MYH8: variants seen among roughly 807,000 people sequenced by gnomAD.
The protein encoded by MYH8 is myosin-8.
Under a neutral mutation model 233.2 loss-of-function variants are expected in MYH8, and 168 were observed. The observed-to-expected ratio is 0.72, with a 90% CI of 0.64 to 0.82. The LOEUF is 0.82. MYH8 is among the 40% of genes least tolerant of loss of function. MYH8 has a pLI of 0.00. For missense variants in MYH8, 1,995 were observed against 2,327.8 expected (o/e 0.86, Z 2.94); for synonymous variants, 785 against 850.6 (o/e 0.92, Z 1.34).
chr17:10,403,419 C>T lies in MYH8; in HGVS notation c.2688+911G>A, dbSNP rs1236275958. Among the ~76,000 whole-genome samples, 6 of 152,108 alleles carry T rather than the reference C, an allele frequency of 3.9e-5. No homozygotes were observed. The East Asian group carries it at 7.7e-4, about 20-fold the overall frequency. On this transcript the variant is annotated intron_variant, in intron 22 of 39. Coordinates refer to ENST00000403437, the MANE Select transcript of MYH8 (RefSeq NM_002472.3). ...TTGTTTTGTTCTTGAGTTTAAAAAA[C>T]GTTTAAATGGAATATAATGGGAACT...
Position 10,414,179 on chromosome 17 carries a change from GT to G in MYH8, c.1008+12del. On this transcript the variant is annotated intron_variant, in intron 11 of 39. Transcript: ENST00000403437. Reference sequence around the variant, plus strand: ...TACATAATGGATTTTTAAAATTAGTGTTTTTGACTTACATCAGTGGCCATCA... The same window carrying G: ...TACATAATGGATTTTTAAAATTAGTGTTTTGACTTACATCAGTGGCCATCA... 6.2e-7 allele frequency: 1 copy of G among 1,612,686 alleles called. No individual in the cohort carries two copies. The highest frequency in any genetic ancestry group is 8.5e-7 in the Non-Finnish European group (1 of 1,178,696).
chr17:10,409,025 T>G, intron 17 of MYH8, 72 bp downstream of exon 17: 3 of 1,444,250 alleles, frequency 2.1e-6, no homozygotes, highest in Non-Finnish European at 2.9e-6. Flanking sequence ...TGCCTCATAA[T>G]TTTTTCTAAA....
intron 37 of MYH8, 79 bp from the exon 38 acceptor site, chr17:10,392,725 G>T (rs563410152): frequency 6.2e-7 from 1 of 1,612,988 alleles, no homozygotes; most frequent in South Asian, 1.1e-5. Flanking sequence ...GCATGGGGTG[G>T]GTGTTCCCAG....
rs9899024 is a variant in MYH8 at position 10,401,255 on chromosome 17, G to T, written c.3108+20C>A. 9.7e-4 allele frequency: 1,571 copies of T among 1,614,000 alleles called. 16 individuals carry two copies. In the African/African-American group the frequency reaches 0.019, roughly 19 times the overall value. On this transcript the variant is annotated intron_variant, in intron 24 of 39. Transcript: ENST00000403437. ...TATTTTTAAAAAAATCTTTCAAAGG[G>T]ATATTTAAAATGTGCTTACATCATC...
In MYH8 at chr17:10,421,923, C is replaced by T. The variant is rs2072343348; in HGVS notation, c.-75+7G>A. On this transcript the variant is annotated splice_region_variant and intron_variant, in intron 1 of 39. Transcript: ENST00000403437. ...GTTTTTCGAGTTCCAAGGCCTTCAT[C>T]ACTTACCTCTGGGTTCTTGGTGGAA... is the stretch of plus-strand genomic sequence containing the variant. The T allele has an allele frequency of 6.6e-6, 1 of 152,078 alleles. No homozygotes were observed. 9.4% of individuals were successfully genotyped at this position (152,078 alleles called of 1,614,324 possible).
rs143241690 is a variant in MYH8, at chr17:10,421,232, C to A, written c.-31+431G>T. Among the ~76,000 whole-genome samples, 1,205 of 152,258 alleles carry A rather than the reference C, an allele frequency of 7.9e-3. 12 individuals are homozygous for A. Among genetic ancestry groups the A allele is most frequent in the African/African-American group, 0.027 (1,123 of 41,544 alleles). On this transcript the variant is annotated intron_variant, in intron 2 of 39. Transcript: ENST00000403437. ...ACCTGTTAAGTAAATAATAATAAGT[C>A]TTTCTAACAACAAATAACAAATAAT...
Position 10,418,799 on chromosome 17 carries a change from G to A in MYH8, c.357C>T (p.Thr119=). 6.2e-7 allele frequency: 1 copy of A among 1,613,856 alleles called. No homozygotes were observed. Among genetic ancestry groups the A allele is most frequent in the Non-Finnish European group, 8.5e-7 (1 of 1,179,806 alleles). The change falls in exon 5 of 40, where the codon ACC becomes ACT. Residue 119 remains threonine, a splice_region_variant and synonymous_variant. Coordinates refer to ENST00000403437, the MANE Select transcript of MYH8 (RefSeq NM_002472.3). ...CGGTGACACAGAAGAGGCCTGAGTA[G>A]GTCTGGGAAGATCAGAACATTTATC... is the stretch of plus-strand genomic sequence containing the variant. The part of the protein sequence containing the change: ...KERYAAWMIY[T]YSGLFCVTVN...
intron 5 of MYH8, among the ~76,000 whole-genome samples, chr17:10,416,349 A>T (rs540261552): frequency 2.6e-5 from 4 of 152,234 alleles, no homozygotes; most frequent in South Asian, 4.1e-4. Flanking sequence ...TTATCCATTC[A>T]TCTGTTGATG....
In MYH8 at chr17:10,409,513, G is replaced by A. The variant is rs1481974689; in HGVS notation, c.1663C>T (p.Leu555=). 19 of 1,614,106 alleles carry A rather than the reference G, an allele frequency of 1.2e-5. No homozygotes were observed. Among genetic ancestry groups the A allele is most frequent in the Middle Eastern group, 1.6e-4 (1 of 6,084 alleles). ...KATDTSFKNK[L]YDQHLGKSAN... is the part of the protein sequence containing the mutation. ...GACTTGCCCAGGTGCTGGTCATACA[G>A]CTTGTTCTTGAAGGAGGTGTCCGTT... Residue 555 remains leucine, a synonymous_variant, in exon 16 of 40, where the codon CTG becomes TTG. Transcript: ENST00000403437.
Position 10,417,431 on chromosome 17 carries a change from C to A in MYH8, c.511+1214G>T, listed in dbSNP as rs558356192. Among the ~76,000 whole-genome samples the A allele has an allele frequency of 6.6e-6, 1 of 152,068 alleles. No individual in the cohort carries two copies. The highest frequency in any genetic ancestry group is 2.1e-4 in the South Asian group (1 of 4,834). On this transcript the variant is annotated intron_variant, in intron 5 of 39. Transcript: ENST00000403437. The surrounding 1 kb of genome is among the most constrained non-coding windows in gnomAD (Gnocchi z 4.1). ...ATTTGTTTTCTAGTATAAGTAAAACCGTGGAAGATTATATCACATCTAGTG... is the reference window on the plus strand; with the variant it reads ...ATTTGTTTTCTAGTATAAGTAAAACAGTGGAAGATTATATCACATCTAGTG...
At chr17:10,404,009 T>C (rs2072165240) in intron 22 of MYH8, among the ~76,000 whole-genome samples, 1 of 152,332 alleles carries the variant, frequency 6.6e-6, no homozygotes, top group East Asian at 1.9e-4. Context: ...AGAGCTATAC[T>C]TTTAATGCTG....
chr17:10,409,632 A>C, intron 15 of MYH8, 44 bp from the exon 16 acceptor site: 4 of 1,608,782 alleles, frequency 2.5e-6, no homozygotes, highest in Non-Finnish European at 3.4e-6. Flanking sequence ...AACTTCTCTC[A>C]AAAGATAGAG....
Position 10,398,618 on chromosome 17 carries a change from G to T in MYH8, c.4004C>A (p.Ala1335Asp). The T allele has an allele frequency of 6.2e-7, 1 of 1,614,208 alleles. No individual in the cohort carries two copies. The highest frequency in any genetic ancestry group is 1.3e-5 in the African/African-American group (1 of 75,052). ...ETKAKNALAH[A>D]LQSSRHDCDL... Reference sequence around the variant, plus strand: ...GCAGTCATGGCGGGAGGACTGCAGGGCGTGTGCCAGGGCGTTCTTGGCCTG... The same window carrying T: ...GCAGTCATGGCGGGAGGACTGCAGGTCGTGTGCCAGGGCGTTCTTGGCCTG... The change falls in exon 30 of 40, where the codon GCC (alanine) becomes GAC (aspartate). Residue 1335 changes from alanine to aspartate, a missense_variant. Ala to Asp is a moderately radical substitution (Grantham distance 126, BLOSUM62 -2). Transcript: ENST00000403437.
In MYH8 at chr17:10,396,369, T is replaced by G. The variant is rs2072078211; in HGVS notation, c.4614A>C (p.Gln1538His). The G allele has an allele frequency of 6.2e-7, 1 of 1,614,002 alleles. No individual in the cohort carries two copies. Among genetic ancestry groups the G allele is most frequent in the Non-Finnish European group, 8.5e-7 (1 of 1,180,020 alleles). ...AAGCAGCCTGAATTTCACATTTCTC[T>G]TGTTCTACTTGCTTCTTTATTTTCT... is the stretch of plus-strand genomic sequence containing the variant. ...ELEKIKKQVE[Q>H]EKCEIQAALE... The change falls in exon 33 of 40, where the codon CAA (glutamine) becomes CAC (histidine). Residue 1538 changes from glutamine (Q) to histidine (H), a missense_variant. By Grantham distance (24) the Gln-to-His change is conservative (BLOSUM62 0). Coordinates refer to ENST00000403437, the MANE Select transcript of MYH8 (RefSeq NM_002472.3). This position sits in a 1 kb window ranked among gnomAD's most constrained non-coding sequence, Gnocchi z 4.2.
At position 10,406,991 on chromosome 17, in the gene MYH8, G is replaced by C; in HGVS notation, c.1966-12C>G. 1 of 1,601,952 alleles carries C rather than the reference G, an allele frequency of 6.2e-7. No individual in the cohort carries two copies. Among genetic ancestry groups the C allele is most frequent in the Non-Finnish European group, 8.6e-7 (1 of 1,168,966 alleles). On this transcript the variant is annotated splice_polypyrimidine_tract_variant and intron_variant, in intron 17 of 39. Coordinates refer to ENST00000403437, the MANE Select transcript of MYH8 (RefSeq NM_002472.3). ...TTATTTAAATTTTCCTAGAAAACCA[G>C]ACAGAAAGGACTTGATGAAAAAGTT... is the stretch of plus-strand genomic sequence containing the variant.
chr17:10,398,879 A>G lies in MYH8; in HGVS notation c.3870T>C (p.Tyr1290=). ...CATCTTTCTCATCTAATTGTCGAGA[A>G]TATTCACCTAGGAATAATAGACATA... The part of the protein sequence containing the change: ...RARLQTEAGE[Y]SRQLDEKDAL... The change falls in exon 29 of 40, where the codon TAT becomes TAC. Residue 1290 remains tyrosine, a synonymous_variant. Coordinates refer to ENST00000403437, the MANE Select transcript of MYH8 (RefSeq NM_002472.3). 2 of 1,612,014 alleles carry G rather than the reference A, an allele frequency of 1.2e-6. No homozygotes were observed. The highest frequency in any genetic ancestry group is 1.7e-4 in the Middle Eastern group (1 of 6,000).
At chr17:10,412,305 T>C (rs1567688338) in intron 14 of MYH8, 65 bp downstream of exon 14, 6 of 1,613,808 alleles carry the variant, frequency 3.7e-6, no homozygotes, top group Admixed American at 1.7e-5. Context: ...GGATGAATAA[T>C]GATAATACCT....
At chr17:10,409,902 T>C (rs1428135288) in intron 15 of MYH8, among the ~76,000 whole-genome samples, 1 of 152,260 alleles carries the variant, frequency 6.6e-6, no homozygotes, top group East Asian at 1.9e-4. Context: ...AGAGTTTTTC[T>C]TCGTTATGAA....
chr17:10,417,671 T>A lies in MYH8; in HGVS notation c.511+974A>T, dbSNP rs1375484077. Among the ~76,000 whole-genome samples the A allele has an allele frequency of 6.6e-6, 1 of 152,182 alleles. No individual in the cohort carries two copies. Among genetic ancestry groups the A allele is most frequent in the Admixed American group, 6.5e-5 (1 of 15,280 alleles). ...GTACATAGCTGTGTAAATGCAGCTG[T>A]TGAGTATTAAAACCTCTGAAATGAG... On this transcript the variant is annotated intron_variant, in intron 5 of 39. Transcript: ENST00000403437. This position sits in a 1 kb window ranked among gnomAD's most constrained non-coding sequence, Gnocchi z 4.1.
Sources: allele counts gnomAD v4.1 joint callset (sites outside exome capture counted in the v4.1 genomes callset), GRCh38; gene constraint gnomAD v4.1.1; non-coding constraint Gnocchi (gnomAD v3.1); transcripts MANE v1.5; gene names NCBI Gene and HGNC (gene_info 2026-07-23, HGNC 2026-07-21).